The following PCDH11X variants were observed in gnomAD, a reference collection of about 807,000 sequenced individuals.
The protein encoded by PCDH11X is protocadherin-11 X-linked.
A neutral mutation model predicts 53.3 loss-of-function variants in PCDH11X; 18 were observed. That is an observed-to-expected ratio of 0.34 (90% CI 0.23 to 0.50). The LOEUF (loss-of-function observed/expected upper bound fraction) is 0.50. PCDH11X is among the 20% of genes least tolerant of loss of function. The probability of loss-of-function intolerance (pLI) is 0.98; values close to 1 mark genes in which losing one functional copy is unlikely to be tolerated. For missense variants in PCDH11X, 570 were observed against 1,032.4 expected (o/e 0.55, Z 6.14); for synonymous variants, 279 against 393.3 (o/e 0.71, Z 3.44).
At chrX:91,859,237 T>A (rs1938522613) in intron 5 of PCDH11X, among the ~76,000 whole-genome samples, 1 of 111,440 alleles carries the variant, frequency 9.0e-6, no homozygotes, top group Admixed American at 9.6e-5. Flanking sequence ...GAGCTTTTTT[T>A]CCATATGTTT....
rs748977774 is a variant in PCDH11X, at chrX:92,167,708, G to C, written c.3034-33667G>C. ...TATTTTGTAGCTTTTTACCACAATT[G>C]CTGGCCATGAATTTTCTTCTTTTTC... On this transcript the variant is annotated intron_variant, in intron 6 of 10. Transcript: ENST00000682573. Among the ~76,000 whole-genome samples the C allele has an allele frequency of 3.6e-5, 4 of 111,731 alleles. No individual in the cohort carries two copies. The South Asian group carries it at 1.5e-3, about 42-fold the overall frequency.
intron 8 of PCDH11X, among the ~76,000 whole-genome samples, chrX:92,331,301 T>TTCTTCTTCTTCTTCTTCC (rs2069472257): frequency 1.1e-5 from 1 of 91,515 alleles, no homozygotes; most frequent in Non-Finnish European, 2.1e-5. Flanking sequence ...CTTCTTCTTC[T>TTCTTCTTCTTCTTCTTCC]TCTTCTTCTT....
rs1231750856 is a variant in PCDH11X at position 92,149,455 on chromosome X, CTG to C, written c.3034-51904_3034-51903del. Among the ~76,000 whole-genome samples the C allele has an allele frequency of 2.8e-3, 229 of 83,095 alleles. 2 individuals are homozygous for C. Among genetic ancestry groups the C allele is most frequent in the Middle Eastern group, 0.016 (3 of 184 alleles). 72.2% of individuals were successfully genotyped at this position (83,095 alleles called of 115,157 possible). The stretch of plus-strand genomic sequence containing the variant: ...ACTCTCTCTCTCTCTCTCTCTCTCT[CTG>C]TGTGTGTGTGTGTGTATATATGTGT... On this transcript the variant is annotated intron_variant, in intron 6 of 10. Transcript: ENST00000682573.
intron 9 of PCDH11X, among the ~76,000 whole-genome samples, chrX:92,465,585 AT>A (rs768418594): frequency 8.9e-6 from 1 of 111,937 alleles, no homozygotes; most frequent in Non-Finnish European, 1.9e-5. Flanking sequence ...GGTGAGTTCT[AT>A]TGACCTATAA....
At chrX:92,486,424 C>T (rs1287389253) in intron 10 of PCDH11X, among the ~76,000 whole-genome samples, 2 of 111,434 alleles carry the variant, frequency 1.8e-5, no homozygotes, top group Non-Finnish European at 3.8e-5. Context: ...ATTTGTGAAA[C>T]ACTTATATCA....
chrX:91,783,557 G>T (rs1935232367), intron 1 of PCDH11X, among the ~76,000 whole-genome samples: 1 of 111,983 alleles, frequency 8.9e-6, no homozygotes, highest in Admixed American at 9.4e-5. Context: ...CTGGTTAAGA[G>T]ATTCAGAAAG....
At chrX:92,501,623 A>G (rs2073960665) in intron 10 of PCDH11X, among the ~76,000 whole-genome samples, 1 of 111,639 alleles carries the variant, frequency 9.0e-6, no homozygotes, top group South Asian at 3.7e-4. Flanking sequence ...CAAAAACCAC[A>G]CGATCATTTC....
chrX:92,234,715 G>GT (rs751831039), intron 7 of PCDH11X, among the ~76,000 whole-genome samples: 1 of 110,886 alleles, frequency 9.0e-6, no homozygotes, highest in Non-Finnish European at 1.9e-5. Context: ...GCATTTCTCT[G>GT]TTTTTTTCTT....
chrX:92,534,247 C>T (rs190731102), intron 10 of PCDH11X, among the ~76,000 whole-genome samples: 328 of 111,114 alleles, frequency 3.0e-3, no homozygotes, highest in African/African-American at 0.01. Context: ...ACGAGAACTA[C>T]GTGATGCATG....
chrX:92,373,961 G>A (rs916232393), intron 8 of PCDH11X, among the ~76,000 whole-genome samples: 3 of 110,327 alleles, frequency 2.7e-5, no homozygotes, highest in Non-Finnish European at 5.7e-5. Context: ...AACCAATTTT[G>A]CACCGCAACT....
chrX:92,132,608 A>C (rs1336804088), intron 6 of PCDH11X, among the ~76,000 whole-genome samples: 1 of 92,179 alleles, frequency 1.1e-5, no homozygotes, highest in Non-Finnish European at 2.1e-5. Flanking sequence ...ACTCCGTCTC[A>C]AAAGAAAAAA....
intron 9 of PCDH11X, among the ~76,000 whole-genome samples, chrX:92,421,747 C>T (rs1254474746): frequency 8.9e-6 from 1 of 111,853 alleles, no homozygotes; most frequent in African/African-American, 3.2e-5. Context: ...ACTCTTCCCT[C>T]TTCTCCACAA....
chrX:92,505,015 G>T (rs185416194), intron 10 of PCDH11X, among the ~76,000 whole-genome samples: 31,985 of 107,587 alleles, frequency 0.3, 4,008 homozygotes, highest in Non-Finnish European at 0.37. Context: ...TTGTTTTTTT[G>T]TTTGTTAATT....
At chrX:92,297,677 T>A (rs1018631423) in intron 8 of PCDH11X, among the ~76,000 whole-genome samples, 3 of 111,941 alleles carry the variant, frequency 2.7e-5, no homozygotes, top group African/African-American at 9.7e-5. Flanking sequence ...TCTAATTCTG[T>A]GAGGAATGTC....
chrX:92,077,803 A>T (rs780099052), intron 6 of PCDH11X, among the ~76,000 whole-genome samples: 32 of 111,006 alleles, frequency 2.9e-4, no homozygotes, highest in African/African-American at 1.0e-3. Flanking sequence ...TAAAGCTCAG[A>T]TCTAAATATT....
chrX:92,183,349 C>A (rs2066030875), intron 6 of PCDH11X, among the ~76,000 whole-genome samples: 1 of 106,385 alleles, frequency 9.4e-6, no homozygotes, highest in African/African-American at 3.4e-5. Flanking sequence ...CTTCACCTCC[C>A]AGGTTCAAGT....
chrX:92,073,739 G>A (rs1470123935), intron 6 of PCDH11X, among the ~76,000 whole-genome samples: 1 of 111,927 alleles, frequency 8.9e-6, no homozygotes, highest in African/African-American at 3.3e-5. Context: ...AATGAGGCAG[G>A]TAGCCCCTTT....
chrX:92,258,814 T>C (rs769623485), intron 7 of PCDH11X, among the ~76,000 whole-genome samples: 1 of 112,263 alleles, frequency 8.9e-6, no homozygotes, highest in South Asian at 3.7e-4. Flanking sequence ...TTTTATGTAA[T>C]TTCTTTGCTC....
intron 6 of PCDH11X, among the ~76,000 whole-genome samples, chrX:91,997,317 T>A (rs974039491): frequency 9.0e-6 from 1 of 110,991 alleles, no homozygotes; most frequent in Non-Finnish European, 1.9e-5. Context: ...AAGTTTCAAA[T>A]TTTCACTGTT....
Sources: gnomAD v4.1 joint callset for allele counts (sites outside exome capture counted in the v4.1 genomes callset) on GRCh38, gnomAD v4.1.1 for gene constraint, MANE v1.5 for transcripts, NCBI Gene and HGNC (gene_info 2026-07-23, HGNC 2026-07-21) for gene names.